The following WDR7 variants were observed in gnomAD, a reference collection of about 807,000 sequenced individuals.
WDR7 encodes WD repeat domain 7, also known as WD repeat-containing protein 7.
In WDR7, 46 loss-of-function variants were observed where a neutral mutation model predicts 169.4. The observed-to-expected ratio is 0.27, with a 90% CI of 0.21 to 0.35. The LOEUF is 0.35. Ranked by LOEUF, WDR7 falls within the 10% of genes least tolerant of loss-of-function variation. The probability of loss-of-function intolerance (pLI) is 1.00; values close to 1 mark genes in which losing one functional copy is unlikely to be tolerated. For missense variants in WDR7, 1,534 were observed against 1,859.3 expected, an observed-to-expected ratio of 0.83 and a Z score of 3.22; for synonymous variants, 612 against 666.8, an observed-to-expected ratio of 0.92 and a Z score of 1.27.
chr18:56,816,519 A>G (rs1409259778), intron 20 of WDR7, among the ~76,000 whole-genome samples: 1 of 152,238 alleles, frequency 6.6e-6, no homozygotes, highest in Non-Finnish European at 1.5e-5. Context: ...CTAAAATTTA[A>G]TCACAATATA....
chr18:56,959,849 G>A (rs543228751), intron 25 of WDR7, among the ~76,000 whole-genome samples: 7 of 152,200 alleles, frequency 4.6e-5, no homozygotes, highest in South Asian at 2.1e-4. Context: ...ACCATCCTTC[G>A]TCTTGACAGA....
intron 26 of WDR7, among the ~76,000 whole-genome samples, chr18:56,969,066 C>T (rs1287450277): frequency 6.6e-6 from 1 of 152,172 alleles, no homozygotes; most frequent in Admixed American, 6.6e-5. Flanking sequence ...AACTCCAGCT[C>T]CATGACTTTT....
intron 21 of WDR7, among the ~76,000 whole-genome samples, chr18:56,895,160 A>G (rs1214788296): frequency 6.6e-6 from 1 of 152,028 alleles, no homozygotes; most frequent in Non-Finnish European, 1.5e-5. Context: ...AGAGTTATAA[A>G]TATTGAACAG....
At chr18:56,685,157 T>A (rs1159199680) in intron 5 of WDR7, among the ~76,000 whole-genome samples, 4 of 152,242 alleles carry the variant, frequency 2.6e-5, no homozygotes, top group Non-Finnish European at 5.9e-5. Context: ...AACAATTTTT[T>A]AAATAACAGT....
intron 21 of WDR7, among the ~76,000 whole-genome samples, chr18:56,903,876 C>G (rs2046439788): frequency 1.3e-5 from 2 of 152,108 alleles, no homozygotes; most frequent in South Asian, 4.2e-4. Flanking sequence ...TTGGTTGTGA[C>G]CTCGTTTGAT....
intron 12 of WDR7, among the ~76,000 whole-genome samples, chr18:56,713,134 C>A (rs941684676): frequency 2.6e-5 from 4 of 152,112 alleles, no homozygotes; most frequent in Non-Finnish European, 5.9e-5. Context: ...AATGAAAAAT[C>A]TCTTCATCGG....
intron 19 of WDR7, among the ~76,000 whole-genome samples, chr18:56,801,706 T>A (rs2044676197): frequency 6.6e-6 from 1 of 152,214 alleles, no homozygotes; most frequent in African/African-American, 2.4e-5. Context: ...ACCTAACCTG[T>A]AGTCTTTTGG....
At chr18:56,867,459 C>G (rs929885546) in intron 20 of WDR7, among the ~76,000 whole-genome samples, 13 of 152,084 alleles carry the variant, frequency 8.5e-5, no homozygotes, top group African/African-American at 3.1e-4. Flanking sequence ...TTATCTCTGT[C>G]TTAATAAAAG....
rs78388375 is a variant in WDR7 at position 56,712,705 on chromosome 18, G to C, written c.1579-5259G>C. ...TCTAAGTTGATAGAATACTTCATCT[G>C]TGCTGCATAAGTTCTGTTCCATAAC... On this transcript the variant is annotated intron_variant, in intron 12 of 27. Coordinates refer to ENST00000254442, the MANE Select transcript of WDR7 (RefSeq NM_015285.3). 6.3e-3 allele frequency among the ~76,000 whole-genome samples: 952 copies of C among 152,242 alleles called. 36 individuals carry two copies. The highest frequency in any genetic ancestry group is 0.04 in the Admixed American group (614 of 15,296).
intron 21 of WDR7, among the ~76,000 whole-genome samples, chr18:56,913,731 G>T (rs1172921222): frequency 6.6e-6 from 1 of 151,984 alleles, no homozygotes; most frequent in Non-Finnish European, 1.5e-5. Flanking sequence ...GTAGGTATAG[G>T]CTGCAGTGAA....
chr18:56,945,949 G>A (rs1423386452), intron 25 of WDR7, among the ~76,000 whole-genome samples: 1 of 152,176 alleles, frequency 6.6e-6, no homozygotes, highest in Non-Finnish European at 1.5e-5. Context: ...GGAAATGCCT[G>A]AAGATATTCC....
chr18:56,685,834 G>C, intron 5 of WDR7, 122 bp from the exon 6 acceptor site: 1 of 772,926 alleles, frequency 1.3e-6, no homozygotes, highest in Non-Finnish European at 2.1e-6. Flanking sequence ...AGAGAATTAT[G>C]TTTTTCTGCT....
intron 25 of WDR7, among the ~76,000 whole-genome samples, chr18:56,944,892 CA>C (rs909858416): frequency 2.0e-5 from 3 of 152,086 alleles, no homozygotes; most frequent in African/African-American, 7.2e-5. Flanking sequence ...TAAATGTAAA[CA>C]TTTTTGGAGA....
intron 10 of WDR7, 43 bp from the exon 11 acceptor site, chr18:56,694,907 A>G (rs373978966): frequency 1.3e-6 from 2 of 1,563,962 alleles, no homozygotes; most frequent in Non-Finnish European, 1.7e-6. Flanking sequence ...TTTTTTTAAC[A>G]TGCACAAATG....
At chr18:56,921,278 TCC>T (rs1045476278) in intron 21 of WDR7, among the ~76,000 whole-genome samples, 2 of 152,176 alleles carry the variant, frequency 1.3e-5, no homozygotes, top group Admixed American at 6.5e-5. Context: ...CCAAAACAGC[TCC>T]CTGAAAAACA....
At chr18:56,831,071 C>T (rs1233130518) in intron 20 of WDR7, among the ~76,000 whole-genome samples, 1 of 152,156 alleles carries the variant, frequency 6.6e-6, no homozygotes, top group African/African-American at 2.4e-5. Flanking sequence ...TGTACATCAA[C>T]CCAGCCTGGG....
chr18:57,016,783 G>A (rs868037620), intron 26 of WDR7, among the ~76,000 whole-genome samples: 1 of 151,912 alleles, frequency 6.6e-6, no homozygotes, highest in Non-Finnish European at 1.5e-5. Context: ...GGGTGGGGGT[G>A]TTTAACAGTT....
chr18:56,846,722 CTTGCTCCCTCTG>C (rs2045574271), intron 20 of WDR7, among the ~76,000 whole-genome samples: 1 of 152,160 alleles, frequency 6.6e-6, no homozygotes, highest in Non-Finnish European at 1.5e-5. Context: ...TCTTCTCTCT[CTTGCTCCCTCTG>C]TTGCCAAGTG....
chr18:56,923,646 G>A (rs572446380), intron 21 of WDR7, among the ~76,000 whole-genome samples: 1 of 152,312 alleles, frequency 6.6e-6, no homozygotes, highest in Non-Finnish European at 1.5e-5. Context: ...TGGAATTTAA[G>A]ATCACTGATA....
Sources: allele counts gnomAD v4.1 joint callset (sites outside exome capture counted in the v4.1 genomes callset), GRCh38; gene constraint gnomAD v4.1.1; transcripts MANE v1.5; gene names NCBI Gene and HGNC (gene_info 2026-07-23, HGNC 2026-07-21).